NLGN4X: variants seen among roughly 807,000 people sequenced by gnomAD.
NLGN4X encodes neuroligin 4 X-linked.
A neutral mutation model predicts 40.3 loss-of-function variants in NLGN4X; 3 were observed. That is an observed-to-expected ratio of 0.07 (90% CI 0.03 to 0.19). The LOEUF (loss-of-function observed/expected upper bound fraction) is 0.19, where lower values mean the gene tolerates loss of function less well. Among genes scored for constraint, NLGN4X ranks in the 10% least tolerant of loss-of-function variants. The pLI is 1.00. For synonymous variants in NLGN4X, 270 were observed against 306.8 expected, an observed-to-expected ratio of 0.88 and a Z score of 1.25; for missense variants, 382 against 708.3, an observed-to-expected ratio of 0.54 and a Z score of 5.23.
chrX:6,070,578 T>C (rs2038034991), intron 2 of NLGN4X, among the ~76,000 whole-genome samples: 1 of 111,941 alleles, frequency 8.9e-6, no homozygotes, highest in Non-Finnish European at 1.9e-5. Context: ...ACCCCATCTC[T>C]ACAAAAATTA....
Position 6,132,423 on chromosome X carries a change from T to G in NLGN4X, c.472+18572A>C, listed in dbSNP as rs759281228. Among the ~76,000 whole-genome samples, 4 of 111,564 alleles carry G rather than the reference T, an allele frequency of 3.6e-5. No homozygotes were observed. In the South Asian group the frequency reaches 1.5e-3, roughly 43 times the overall value. On this transcript the variant is annotated intron_variant, in intron 2 of 5. Transcript: ENST00000381095. ...CTCAATATCAGAACTACTGATATTT[T>G]GGACTAGATAATTCTCTGCTGTGTG...
intron 2 of NLGN4X, among the ~76,000 whole-genome samples, chrX:6,076,931 T>C (rs1431281375): frequency 8.9e-6 from 1 of 112,263 alleles, no homozygotes; most frequent in African/African-American, 3.2e-5. Context: ...CCAGCTAAAG[T>C]TGAAGGACCA....
chrX:6,176,581 T>G (rs1439071094), intron 1 of NLGN4X, among the ~76,000 whole-genome samples: 1 of 111,492 alleles, frequency 9.0e-6, no homozygotes, highest in African/African-American at 3.3e-5. Flanking sequence ...AGGATCCTTA[T>G]AAGTAGAAAA....
intron 2 of NLGN4X, among the ~76,000 whole-genome samples, chrX:6,043,348 C>T (rs778850875): frequency 9.2e-4 from 102 of 110,509 alleles, no homozygotes; most frequent in African/African-American, 3.2e-3. Context: ...TATATACATA[C>T]ACACATACGT....
At chrX:6,041,164 T>C (rs923081102) in intron 2 of NLGN4X, among the ~76,000 whole-genome samples, 1 of 111,481 alleles carries the variant, frequency 9.0e-6, no homozygotes, top group Non-Finnish European at 1.9e-5. Context: ...ATATTCCACA[T>C]GGAGCACTGT....
At chrX:5,973,324 C>T (rs924236455) in intron 3 of NLGN4X, among the ~76,000 whole-genome samples, 3 of 112,441 alleles carry the variant, frequency 2.7e-5, no homozygotes, top group Non-Finnish European at 5.6e-5. Context: ...GTAGTCAGGA[C>T]AGAAACCATG....
In NLGN4X at chrX:5,890,878, C is replaced by G. The variant is rs1237730071; in HGVS notation, c.*1939G>C. 3.1e-6 allele frequency: 1 copy of G among 321,538 alleles called. No individual in the cohort carries two copies. The highest frequency in any genetic ancestry group is 5.9e-6 in the Non-Finnish European group (1 of 168,084). The allele number at this position is 321,538 out of a possible 1,213,427, so 26.5% of individuals were successfully genotyped here. On this transcript the variant is annotated 3_prime_UTR_variant, in exon 6 of 6. Transcript: ENST00000381095. ...GTCACTCTCAAACACTGATATATCACTATAGTTTGAGTGTAGGGATTCAGT... is the reference window on the plus strand; with the variant it reads ...GTCACTCTCAAACACTGATATATCAGTATAGTTTGAGTGTAGGGATTCAGT...
chrX:6,209,702 G>A (rs746754778), intron 1 of NLGN4X, among the ~76,000 whole-genome samples: 35 of 111,708 alleles, frequency 3.1e-4, no homozygotes, highest in Non-Finnish European at 6.0e-4. Context: ...TAGAAGTCTG[G>A]ATTTATATCA....
At chrX:6,178,880 G>C (rs1185273314) in intron 1 of NLGN4X, among the ~76,000 whole-genome samples, 5 of 111,007 alleles carry the variant, frequency 4.5e-5, no homozygotes, top group Non-Finnish European at 7.5e-5. Context: ...AGGATCACTA[G>C]AGTCCAGGAG....
intron 1 of NLGN4X, among the ~76,000 whole-genome samples, chrX:6,163,957 A>T (rs1026152506): frequency 8.9e-6 from 1 of 112,835 alleles, no homozygotes; most frequent in Non-Finnish European, 1.9e-5. Flanking sequence ...GACACAGAAG[A>T]CAGAAAATTG....
rs143042267 is a variant in NLGN4X at position 6,086,689 on chromosome X, T to C, written c.473-57257A>G. Among the ~76,000 whole-genome samples, 618 of 111,793 alleles carry C rather than the reference T, an allele frequency of 5.5e-3. 6 individuals are homozygous for C. The highest frequency in any genetic ancestry group is 0.019 in the African/African-American group (589 of 30,730). ...TTCTGTCCCCCAGGCTGGAGTGTAG[T>C]GGTGTGATCATAGCTCACTGCAGCC... On this transcript the variant is annotated intron_variant, in intron 2 of 5. Coordinates refer to ENST00000381095, the MANE Select transcript of NLGN4X (RefSeq NM_181332.3).
chrX:5,921,060 G>A (rs1238316676), intron 3 of NLGN4X, among the ~76,000 whole-genome samples: 1 of 107,756 alleles, frequency 9.3e-6, no homozygotes, highest in Admixed American at 1.0e-4. Context: ...CTTCATTGCT[G>A]AAGCATGGTG....
At chrX:6,132,684 G>A (rs1602289503) in intron 2 of NLGN4X, among the ~76,000 whole-genome samples, 3 of 111,809 alleles carry the variant, frequency 2.7e-5, no homozygotes, top group Non-Finnish European at 5.6e-5. Flanking sequence ...CCATCTGAGA[G>A]CTCCAGATAG....
intron 1 of NLGN4X, among the ~76,000 whole-genome samples, chrX:6,198,062 TC>T (rs1217428165): frequency 2.6e-4 from 24 of 90,958 alleles, no homozygotes; most frequent in African/African-American, 9.8e-4. Flanking sequence ...AAGCCCTGTC[TC>T]AAAAAACAAA....
chrX:6,073,036 C>G (rs902485384), intron 2 of NLGN4X, among the ~76,000 whole-genome samples: 3 of 112,327 alleles, frequency 2.7e-5, no homozygotes, highest in South Asian at 3.7e-4. Flanking sequence ...CAATCCTGTT[C>G]TGACACCTTG....
intron 3 of NLGN4X, among the ~76,000 whole-genome samples, chrX:6,018,200 C>A (rs899885585): frequency 9.0e-6 from 1 of 110,911 alleles, no homozygotes; most frequent in African/African-American, 3.3e-5. Flanking sequence ...TATACACACC[C>A]ATATGCACCC....
chrX:5,969,158 C>A (rs1043274852), intron 3 of NLGN4X, among the ~76,000 whole-genome samples: 44 of 109,824 alleles, frequency 4.0e-4, no homozygotes, highest in African/African-American at 5.3e-4. Context: ...GCAACAAAAG[C>A]CAAAATTGAC....
intron 2 of NLGN4X, among the ~76,000 whole-genome samples, chrX:6,067,484 A>G (rs190472667): frequency 2.7e-5 from 3 of 111,574 alleles, no homozygotes; most frequent in African/African-American, 9.8e-5. Flanking sequence ...TTTTGTCTTC[A>G]TGCATTCCTC....
chrX:6,178,964 G>T lies in NLGN4X; in HGVS notation c.-305-27193C>A, dbSNP rs138883628. Among the ~76,000 whole-genome samples, 652 of 109,881 alleles carry T rather than the reference G, an allele frequency of 5.9e-3. 4 individuals are homozygous for T. The highest frequency in any genetic ancestry group is 0.021 in the African/African-American group (622 of 30,012). ...AAATTTTAAATCAGCTGGGTGTGGTGGTGCATGCCTGTGGTCCCAGGAGAG... is the reference window on the plus strand; with the variant it reads ...AAATTTTAAATCAGCTGGGTGTGGTTGTGCATGCCTGTGGTCCCAGGAGAG... On this transcript the variant is annotated intron_variant, in intron 1 of 5. Transcript: ENST00000381095.
Sources: gnomAD v4.1 joint callset for allele counts (sites outside exome capture counted in the v4.1 genomes callset) on GRCh38, gnomAD v4.1.1 for gene constraint, MANE v1.5 for transcripts, NCBI Gene and HGNC (gene_info 2026-07-23, HGNC 2026-07-21) for gene names.